PSMD14: variants seen among roughly 807,000 people sequenced by gnomAD.
PSMD14 encodes the protein proteasome 26S subunit, non-ATPase 14, also known as ubiquitin C-terminal hydrolase PSMD14.
In PSMD14, 7 loss-of-function variants were observed where a neutral mutation model predicts 41.2. The observed-to-expected ratio is 0.17, with a 90% CI of 0.10 to 0.32. The LOEUF (loss-of-function observed/expected upper bound fraction) is 0.32, where lower values mean the gene tolerates loss of function less well. PSMD14 is among the 10% of genes least tolerant of loss of function. The pLI is 1.00. For synonymous variants in PSMD14, 114 were observed against 122.3 expected (o/e 0.93, Z 0.45); for missense variants, 139 against 375.6 (o/e 0.37, Z 5.21).
rs571008954 is a variant in PSMD14 at position 161,386,677 on chromosome 2, T to C, written c.570+1106T>C. 2.0e-4 allele frequency among the ~76,000 whole-genome samples: 31 copies of C among 152,048 alleles called. No individual in the cohort carries two copies. The South Asian group carries it at 6.4e-3, about 32-fold the overall frequency. On this transcript the variant is annotated intron_variant, in intron 8 of 11. Transcript: ENST00000409682. The stretch of plus-strand genomic sequence containing the variant: ...TACTTGCATGTTCCAAGAGAATATA[T>C]TATTGGACCTGTTTAGCCTTGATAA...
At chr2:161,321,374 C>G (rs1375979228) in intron 3 of PSMD14, among the ~76,000 whole-genome samples, 2 of 152,174 alleles carry the variant, frequency 1.3e-5, no homozygotes, top group African/African-American at 4.8e-5. Flanking sequence ...AATAGGCCAC[C>G]TTAAATCATG....
At chr2:161,402,826 A>C (rs1013854075) in intron 10 of PSMD14, among the ~76,000 whole-genome samples, 2 of 152,196 alleles carry the variant, frequency 1.3e-5, no homozygotes, top group Non-Finnish European at 2.9e-5. Flanking sequence ...AAACACATAA[A>C]AAAGATGTTC....
chr2:161,382,593 T>C (rs1683582957), intron 7 of PSMD14: 1 of 151,738 alleles, frequency 6.6e-6, no homozygotes, highest in Admixed American at 6.6e-5. Context: ...AATTAAATGG[T>C]CAGGCGGGTG....
At chr2:161,347,396 A>T (rs1270650681) in intron 3 of PSMD14, among the ~76,000 whole-genome samples, 1 of 152,154 alleles carries the variant, frequency 6.6e-6, no homozygotes, top group African/African-American at 2.4e-5. Flanking sequence ...CTCCTGCTCC[A>T]GTCTCCTGAG....
chr2:161,387,971 ATAT>A (rs1683655801), intron 8 of PSMD14, among the ~76,000 whole-genome samples: 1 of 151,986 alleles, frequency 6.6e-6, no homozygotes, highest in African/African-American at 2.4e-5. Flanking sequence ...ATGATAATGT[ATAT>A]TATTTTTATT....
chr2:161,309,145 T>A, intron 1 of PSMD14, among the ~76,000 whole-genome samples: 1 of 152,254 alleles, frequency 6.6e-6, no homozygotes, highest in East Asian at 1.9e-4. Context: ...CTACTATGGC[T>A]GTTAACTTAC....
intron 4 of PSMD14, 64 bp downstream of exon 4, chr2:161,367,613 T>C (rs1574132258): frequency 1.4e-6 from 2 of 1,461,696 alleles, no homozygotes; most frequent in African/African-American, 1.4e-5. Flanking sequence ...TCTTTTACTT[T>C]GGAATATTTG....
At position 161,408,785 on chromosome 2, in the gene PSMD14, G is replaced by A. The variant is rs936960945; in HGVS notation, c.772-52G>A. ...TTATTTTTGGTGATTATCCTGCAGT[G>A]GGAATAGAGGATTTATAATTTTAAA... On this transcript the variant is annotated intron_variant, in intron 10 of 11. Coordinates refer to ENST00000409682, the MANE Select transcript of PSMD14 (RefSeq NM_005805.6). The A allele has an allele frequency of 4.1e-5, 57 of 1,386,754 alleles. No homozygotes were observed. In the Middle Eastern group the frequency reaches 1.2e-3, roughly 30 times the overall value. The allele number at this position is 1,386,754 out of a possible 1,614,324, so 85.9% of individuals were successfully genotyped here. A position where few individuals can be genotyped will look rare whatever the true frequency, so the allele number is the denominator to read the frequency against.
At chr2:161,315,924 A>G (rs979013523) in intron 1 of PSMD14, among the ~76,000 whole-genome samples, 2 of 147,980 alleles carry the variant, frequency 1.4e-5, no homozygotes, top group African/African-American at 5.0e-5. Flanking sequence ...GCTCATTGCA[A>G]TCCACCTCTG....
intron 3 of PSMD14, among the ~76,000 whole-genome samples, chr2:161,337,331 A>G (rs754577889): frequency 1.3e-5 from 2 of 152,194 alleles, no homozygotes; most frequent in Non-Finnish European, 2.9e-5. Flanking sequence ...TAAATATTAA[A>G]AGATGTTTAT....
At chr2:161,361,595 A>T in intron 3 of PSMD14, among the ~76,000 whole-genome samples, 1 of 152,230 alleles carries the variant, frequency 6.6e-6, no homozygotes. Flanking sequence ...ACACACAAAA[A>T]TGCCAGAACA....
intron 8 of PSMD14, among the ~76,000 whole-genome samples, chr2:161,388,985 A>AC (rs1683670787): frequency 6.6e-6 from 1 of 152,100 alleles, no homozygotes; most frequent in Non-Finnish European, 1.5e-5. Flanking sequence ...TTGAAAGACT[A>AC]CTTGAGGATA....
At chr2:161,385,607 T>G (rs758906232) in intron 8 of PSMD14, 36 bp downstream of exon 8, 2 of 1,334,060 alleles carry the variant, frequency 1.5e-6, no homozygotes, top group Non-Finnish European at 2.1e-6. Flanking sequence ...TAAAACTCTT[T>G]TAAATTTTAA....
chr2:161,308,831 A>G (rs971232110), intron 1 of PSMD14: 4 of 152,546 alleles, frequency 2.6e-5, no homozygotes, highest in African/African-American at 9.6e-5. Flanking sequence ...GTTTGGCCGA[A>G]TTCACATCAT....
chr2:161,379,302 TGAG>T (rs1335837612), intron 7 of PSMD14, among the ~76,000 whole-genome samples: 6 of 152,000 alleles, frequency 3.9e-5, no homozygotes, highest in Non-Finnish European at 4.4e-5. Flanking sequence ...AGTAGTGCCC[TGAG>T]GAGTTCAATT....
chr2:161,334,881 C>G (rs1682845935), intron 3 of PSMD14, among the ~76,000 whole-genome samples: 1 of 152,228 alleles, frequency 6.6e-6, no homozygotes, highest in Admixed American at 6.5e-5. Context: ...GTGTGTTTTT[C>G]TATCTGTTCC....
chr2:161,396,979 T>C (rs1053657891), intron 10 of PSMD14, among the ~76,000 whole-genome samples: 10 of 151,944 alleles, frequency 6.6e-5, no homozygotes, highest in African/African-American at 2.4e-4. Flanking sequence ...AGGCGCCCGC[T>C]GCAACACCCA....
At chr2:161,311,989 T>C (rs1401663390) in intron 1 of PSMD14, among the ~76,000 whole-genome samples, 1 of 152,068 alleles carries the variant, frequency 6.6e-6, no homozygotes, top group Non-Finnish European at 1.5e-5. Context: ...TAATGTTGAC[T>C]CACTCACGAT....
chr2:161,377,637 G>C (rs1683520738), intron 7 of PSMD14, among the ~76,000 whole-genome samples: 1 of 151,852 alleles, frequency 6.6e-6, no homozygotes, highest in Admixed American at 6.6e-5. Flanking sequence ...TTTTAACCTA[G>C]AGCTTCTATA....
Sources: allele counts gnomAD v4.1 joint callset (sites outside exome capture counted in the v4.1 genomes callset), GRCh38; gene constraint gnomAD v4.1.1; transcripts MANE v1.5; gene names NCBI Gene and HGNC (gene_info 2026-07-23, HGNC 2026-07-21).